Variants in PLEKHB2 observed in about 807,000 individuals in gnomAD.
PLEKHB2 encodes pleckstrin homology domain containing B2, also known as pleckstrin homology domain-containing family B member 2.
Under a neutral mutation model 36.5 loss-of-function variants are expected in PLEKHB2, and 31 were observed. The observed-to-expected ratio is 0.85, with a 90% CI of 0.64 to 1.15. The LOEUF is 1.15. Among genes scored for constraint, PLEKHB2 ranks in the 50% most tolerant of loss-of-function variants. PLEKHB2 has a pLI of 0.00. For synonymous variants in PLEKHB2, 119 were observed against 112.0 expected (o/e 1.06, Z -0.39); for missense variants, 262 against 295.3 (o/e 0.89, Z 0.83).
chr2:131,120,787 T>G, intron 1 of PLEKHB2, 147 bp from the exon 2 acceptor site: 1 of 754,674 alleles, frequency 1.3e-6, no homozygotes, highest in Non-Finnish European at 2.4e-6. Context: ...TGAGGAGGTG[T>G]TTGTTAAATG....
intron 1 of PLEKHB2, among the ~76,000 whole-genome samples, chr2:131,109,931 G>T (rs1021437750): frequency 2.0e-5 from 3 of 151,918 alleles, no homozygotes; most frequent in African/African-American, 7.3e-5. Context: ...TGGCTGACAC[G>T]GTGAAACCCT....
At chr2:131,108,488 T>G (rs570519517) in intron 1 of PLEKHB2, among the ~76,000 whole-genome samples, 11 of 152,292 alleles carry the variant, frequency 7.2e-5, no homozygotes, top group Non-Finnish European at 1.0e-4. Flanking sequence ...CAAACAGAAG[T>G]CTTCTGAGCC....
At chr2:131,125,976 TC>T (rs1697059527) in intron 3 of PLEKHB2, 71 bp downstream of exon 3, 1 of 1,445,242 alleles carries the variant, frequency 6.9e-7, no homozygotes, top group Non-Finnish European at 9.6e-7. Flanking sequence ...TTGGTCCTCT[TC>T]CTTCCCTGTT....
In PLEKHB2 at chr2:131,125,884, C is replaced by A; in HGVS notation, c.169C>A (p.Arg57Ser). The change falls in exon 3 of 8, where the codon CGC (arginine) becomes AGC (serine). Residue 57 changes from arginine (R) to serine (S), a missense_variant. Arg to Ser is a moderately radical substitution (Grantham distance 110). Transcript: ENST00000693505. ...VHMPMDCINI[R>S]TGQECRDTQP... Reference sequence around the variant, plus strand: ...CATGCCAATGGACTGCATCAACATCCGCACGGGGCAGGAATGTCGGGGTAA... The same window carrying A: ...CATGCCAATGGACTGCATCAACATCAGCACGGGGCAGGAATGTCGGGGTAA... 1.9e-6 allele frequency: 3 copies of A among 1,613,268 alleles called. No homozygotes were observed. The highest frequency in any genetic ancestry group is 2.5e-6 in the Non-Finnish European group (3 of 1,179,738).
At chr2:131,133,156 TTTATA>T (rs1697890914) in intron 6 of PLEKHB2, 165 bp downstream of exon 6, 1 of 607,218 alleles carries the variant, frequency 1.6e-6, no homozygotes. Flanking sequence ...AAGCAACTAT[TTTATA>T]TAGTTCAGCA....
At chr2:131,142,099 T>C (rs1698846758) in intron 7 of PLEKHB2, among the ~76,000 whole-genome samples, 1 of 152,180 alleles carries the variant, frequency 6.6e-6, no homozygotes, top group Admixed American at 6.5e-5. Flanking sequence ...TGGGACAGTT[T>C]AGATACGCCG....
In PLEKHB2 at chr2:131,148,453, C is replaced by T. The variant is rs1206445826; in HGVS notation, c.*1680C>T. ...GTGTGCTTTTACAGTGGCAGTTTAG[C>T]ACAGCGAATGTCCCTGCCCCACACT... On this transcript the variant is annotated 3_prime_UTR_variant, in exon 8 of 8. Coordinates refer to ENST00000693505, the MANE Select transcript of PLEKHB2 (RefSeq NM_001100623.2). The T allele has an allele frequency of 6.6e-6, 1 of 152,170 alleles. No individual in the cohort carries two copies. Among genetic ancestry groups the T allele is most frequent in the Non-Finnish European group, 1.5e-5 (1 of 68,034 alleles). 9.4% of individuals were successfully genotyped at this position (152,170 alleles called of 1,614,324 possible). A position where few individuals can be genotyped will look rare whatever the true frequency, so the allele number is the denominator to read the frequency against.
chr2:131,142,311 A>G (rs1698869978), intron 7 of PLEKHB2, among the ~76,000 whole-genome samples: 1 of 152,206 alleles, frequency 6.6e-6, no homozygotes, highest in Non-Finnish European at 1.5e-5. Flanking sequence ...CCTCCATATA[A>G]AATATTTTCT....
At chr2:131,118,060 T>C (rs1696065359) in intron 1 of PLEKHB2, among the ~76,000 whole-genome samples, 1 of 152,086 alleles carries the variant, frequency 6.6e-6, no homozygotes, top group South Asian at 2.1e-4. Context: ...TAGAAAGTCT[T>C]GGGTAAGGGT....
At chr2:131,126,999 G>A in intron 4 of PLEKHB2, 1 of 500,668 alleles carries the variant, frequency 2.0e-6, no homozygotes, top group Non-Finnish European at 3.6e-6. Context: ...TGGTGAAAAT[G>A]GCAGAAAGGA....
chr2:131,128,969 A>G (rs1043772949), intron 4 of PLEKHB2, among the ~76,000 whole-genome samples: 22 of 147,810 alleles, frequency 1.5e-4, no homozygotes, highest in African/African-American at 4.9e-4. Context: ...GTGAATGACA[A>G]TGGTATGCCA....
At chr2:131,140,071 CTGT>C (rs1318142868) in intron 6 of PLEKHB2, 93 bp from the exon 7 acceptor site, 2 of 658,156 alleles carry the variant, frequency 3.0e-6, no homozygotes, top group East Asian at 5.7e-5. Flanking sequence ...TTTTAATTGA[CTGT>C]TGAATTTTAT....
rs186839464 is a variant in PLEKHB2 at position 131,132,076 on chromosome 2, C to T, written c.334-826C>T. ...CTCAACTCCTGACCTAGTGATCTGCCTGCCTTGGCCTCCCAAAATGCTGTG... is the reference window on the plus strand; with the variant it reads ...CTCAACTCCTGACCTAGTGATCTGCTTGCCTTGGCCTCCCAAAATGCTGTG... On this transcript the variant is annotated intron_variant, in intron 5 of 7. Coordinates refer to ENST00000693505, the MANE Select transcript of PLEKHB2 (RefSeq NM_001100623.2). Among the ~76,000 whole-genome samples the T allele has an allele frequency of 3.7e-3, 571 of 152,278 alleles. 2 individuals carry two copies. The highest frequency in any genetic ancestry group is 0.012 in the African/African-American group (514 of 41,550).
chr2:131,141,059 A>T (rs1698733766), intron 7 of PLEKHB2, among the ~76,000 whole-genome samples: 1 of 152,166 alleles, frequency 6.6e-6, no homozygotes, highest in African/African-American at 2.4e-5. Context: ...CTCAGCGCAG[A>T]GGCAGTGGGA....
chr2:131,106,210 G>T (rs1433423105), intron 1 of PLEKHB2, among the ~76,000 whole-genome samples: 2 of 152,152 alleles, frequency 1.3e-5, no homozygotes, highest in Non-Finnish European at 2.9e-5. Flanking sequence ...GGAATGAGGT[G>T]GAGTGGTCAC....
Position 131,140,253 on chromosome 2 carries a change from G to A in PLEKHB2, c.510G>A (p.Val170=). 2 of 1,607,054 alleles carry A rather than the reference G, an allele frequency of 1.2e-6. No homozygotes were observed. The highest frequency in any genetic ancestry group is 8.5e-7 in the Non-Finnish European group (1 of 1,173,894). Residue 170 remains valine, a synonymous_variant, in exon 7 of 8, where the codon GTG becomes GTA. Coordinates refer to ENST00000693505, the MANE Select transcript of PLEKHB2 (RefSeq NM_001100623.2). ...CTGCGAATGGGCAGGCGTATGCCGT[G>A]CCCTACCAGTACCCATATGCAGGTA... The part of the protein sequence containing the change: ...VYAANGQAYA[V]PYQYPYAGLY...
chr2:131,109,324 T>G (rs979310930), intron 1 of PLEKHB2, among the ~76,000 whole-genome samples: 1 of 152,180 alleles, frequency 6.6e-6, no homozygotes, highest in African/African-American at 2.4e-5. Context: ...TTTGTTTTGG[T>G]ATAGTTGAAG....
chr2:131,113,109 G>A (rs368314415), intron 1 of PLEKHB2, among the ~76,000 whole-genome samples: 4 of 150,952 alleles, frequency 2.6e-5, no homozygotes, highest in East Asian at 1.9e-4. Context: ...TTTTGAGACC[G>A]GGTCTCACTC....
At chr2:131,124,413 A>G (rs1696883128) in intron 2 of PLEKHB2, among the ~76,000 whole-genome samples, 1 of 152,232 alleles carries the variant, frequency 6.6e-6, no homozygotes, top group Non-Finnish European at 1.5e-5. Flanking sequence ...AATGGATGTG[A>G]GGAAGGTAAA....
Sources: allele counts gnomAD v4.1 joint callset (sites outside exome capture counted in the v4.1 genomes callset), GRCh38; gene constraint gnomAD v4.1.1; transcripts MANE v1.5; gene names NCBI Gene and HGNC (gene_info 2026-07-23, HGNC 2026-07-21).